CFAP126: variants seen among roughly 807,000 people sequenced by gnomAD.
CFAP126 encodes the protein protein Flattop.
In CFAP126, 21 loss-of-function variants were observed where a neutral mutation model predicts 17.1. The ratio of observed to expected loss-of-function variants is 1.23; its 90% CI spans 0.87 to 1.77. The LOEUF is 1.77. CFAP126 is among the 40% of genes most tolerant of loss of function. The pLI, the probability that CFAP126 is intolerant of heterozygous loss-of-function variation, is 0.00. For missense variants in CFAP126, 174 were observed against 215.4 expected (o/e 0.81, Z 1.20); for synonymous variants, 65 against 73.5 (o/e 0.88, Z 0.59).
rs537859182 is a variant in CFAP126, at chr1:161,367,637, A to G, written c.27+205T>C. 4 of 429,834 alleles carry G rather than the reference A, an allele frequency of 9.3e-6. No individual in the cohort carries two copies. The Admixed American group carries it at 1.7e-4, about 19-fold the overall frequency. The allele number at this position is 429,834 out of a possible 1,614,324, so 26.6% of individuals were successfully genotyped here. ...CCCTTTTACAGAAAAAAAATTGCCA[A>G]CTTCTGGTTTACACCCTACAAATTT... On this transcript the variant is annotated intron_variant, in intron 1 of 4. Transcript: ENST00000367974.
rs1361078992 is a variant in CFAP126 at position 161,367,828 on chromosome 1, G to A, written c.27+14C>T. The A allele has an allele frequency of 6.2e-7, 1 of 1,611,046 alleles. No homozygotes were observed. The highest frequency in any genetic ancestry group is 1.7e-5 in the Admixed American group (1 of 59,998). On this transcript the variant is annotated intron_variant, in intron 1 of 4. Transcript: ENST00000367974. ...CAAAAGTAAACGTTAAAGAAATGGA[G>A]AATGGGAACTTACCTGGTTGGCACT...
chr1:161,365,650 G>T lies in CFAP126; in HGVS notation c.224C>A (p.Pro75His). 1 of 1,613,102 alleles carries T rather than the reference G, an allele frequency of 6.2e-7. No individual in the cohort carries two copies. Among genetic ancestry groups the T allele is most frequent in the Non-Finnish European group, 8.5e-7 (1 of 1,179,546 alleles). The part of the protein sequence containing the change: ...MGTWQMPLKI[P>H]PARVTLTSRT... ...GGAGGTCAGGGTCACCCGAGCAGGG[G>T]GTATCTTCAGAGGCATTTGCCAGGT... is the stretch of plus-strand genomic sequence containing the variant. The change falls in exon 4 of 5, where the codon CCC (proline) becomes CAC (histidine). Residue 75 changes from proline (P) to histidine (H), a missense_variant. Coordinates refer to ENST00000367974, the MANE Select transcript of CFAP126 (RefSeq NM_001013625.4).
At chr1:161,366,781 C>CT (rs200434514) in intron 1 of CFAP126, 50,023 of 344,438 alleles carry the variant, frequency 0.15, 1,989 homozygotes, top group East Asian at 0.28. Context: ...TTTTTCTTTT[C>CT]TTTTTTTTTT....
intron 3 of CFAP126, 137 bp from the exon 4 acceptor site, chr1:161,365,839 CCTT>C: frequency 1.2e-6 from 1 of 845,340 alleles, no homozygotes; most frequent in Non-Finnish European, 1.8e-6. Context: ...TCCCACCCTT[CCTT>C]ATCCCCCTCC....
chr1:161,366,776 C>CT, intron 1 of CFAP126: 1 of 445,574 alleles, frequency 2.2e-6, no homozygotes, highest in Non-Finnish European at 3.9e-6. Flanking sequence ...AAGTTTTTTT[C>CT]TTTTCTTTTT....
At chr1:161,367,808 G>A in intron 1 of CFAP126, 34 bp downstream of exon 1, 2 of 1,595,442 alleles carry the variant, frequency 1.3e-6, no homozygotes, top group Non-Finnish European at 1.7e-6. Flanking sequence ...AAAAACAAAA[G>A]TAAACGTTAA....
In CFAP126 at chr1:161,364,778, C is replaced by T; in HGVS notation, c.*187G>A. The T allele has an allele frequency of 3.6e-6, 2 of 556,750 alleles. No individual in the cohort carries two copies. Among genetic ancestry groups the T allele is most frequent in the South Asian group, 3.5e-5 (1 of 28,906 alleles). 34.5% of individuals were successfully genotyped at this position (556,750 alleles called of 1,614,324 possible). ...TTTATTTTCCAAATTTGCTTTTACT[C>T]CCACCCCAAAATTTCCCTGTTTCAC... is the stretch of plus-strand genomic sequence containing the variant. On this transcript the variant is annotated 3_prime_UTR_variant, in exon 5 of 5. Coordinates refer to ENST00000367974, the MANE Select transcript of CFAP126 (RefSeq NM_001013625.4).
chr1:161,366,005 G>A, intron 3 of CFAP126, 193 bp downstream of exon 3: 1 of 624,082 alleles, frequency 1.6e-6, no homozygotes, highest in South Asian at 2.0e-5. Flanking sequence ...ATCAATTTAA[G>A]AACTTCTGAA....
intron 1 of CFAP126, 195 bp from the exon 2 acceptor site, chr1:161,366,696 C>T: frequency 8.4e-6 from 5 of 592,148 alleles, no homozygotes; most frequent in Non-Finnish European, 1.5e-5. Flanking sequence ...CCACATGGAG[C>T]TGTTGAGCAC....
At position 161,364,813 on chromosome 1, in the gene CFAP126, T is replaced by G; in HGVS notation, c.*152A>C. On this transcript the variant is annotated 3_prime_UTR_variant, in exon 5 of 5. Transcript: ENST00000367974. The stretch of plus-strand genomic sequence containing the variant: ...AATTTCCCTGTTTCACAGTTCTGAC[T>G]GGGGGCTCTTGTTTATTTCACTGAG... 3 of 755,764 alleles carry G rather than the reference T, an allele frequency of 4.0e-6. No homozygotes were observed. Among genetic ancestry groups the G allele is most frequent in the South Asian group, 2.1e-5 (1 of 46,610 alleles). 46.8% of individuals were successfully genotyped at this position (755,764 alleles called of 1,614,324 possible).
At position 161,364,840 on chromosome 1, in the gene CFAP126, C is replaced by T. The variant is rs1328965420; in HGVS notation, c.*125G>A. 5 of 897,244 alleles carry T rather than the reference C, an allele frequency of 5.6e-6. No homozygotes were observed. The African/African-American group carries it at 6.7e-5, about 12-fold the overall frequency. The allele number at this position is 897,244 out of a possible 1,614,324, so 55.6% of individuals were successfully genotyped here. ...GGGGCTCTTGTTTATTTCACTGAGT[C>T]GCTATACGGGTTTTTCAGTGTGTGG... On this transcript the variant is annotated 3_prime_UTR_variant, in exon 5 of 5. Transcript: ENST00000367974.
Position 161,365,556 on chromosome 1 carries a change from G to A in CFAP126, c.318C>T (p.Ser106=). ...IQKNPDLLKA[S]NGLCPEILGK... is the part of the protein sequence containing the mutation. ...CTAAGATTTCAGGACACAGCCCATT[G>A]GAGGCCTTGAGTAAATCAGGATTTT... Residue 106 remains serine, a synonymous_variant, in exon 4 of 5, where the codon TCC becomes TCT. Coordinates refer to ENST00000367974, the MANE Select transcript of CFAP126 (RefSeq NM_001013625.4). 3 of 1,614,214 alleles carry A rather than the reference G, an allele frequency of 1.9e-6. No homozygotes were observed. The highest frequency in any genetic ancestry group is 2.5e-6 in the Non-Finnish European group (3 of 1,180,028).
Position 161,365,497 on chromosome 1 carries a change from G to A in CFAP126, c.348+29C>T, listed in dbSNP as rs772969003. On this transcript the variant is annotated intron_variant, in intron 4 of 4. Coordinates refer to ENST00000367974, the MANE Select transcript of CFAP126 (RefSeq NM_001013625.4). ...GTTGAAAAGAAATTGAGACTACAGG[G>A]TTTTGGGTTAGATGGGAAGAATAGA... 18 of 1,610,438 alleles carry A rather than the reference G, an allele frequency of 1.1e-5. No homozygotes were observed. In the Admixed American group the frequency reaches 1.5e-4, roughly 13 times the overall value.
In CFAP126 at chr1:161,365,998, A is replaced by T. The variant is rs966388030; in HGVS notation, c.171+200T>A. ...CTTTCATTTATACAGATCATTGATC[A>T]ATTTAAGAACTTCTGAAGGGTGCTA... On this transcript the variant is annotated intron_variant, in intron 3 of 4. Coordinates refer to ENST00000367974, the MANE Select transcript of CFAP126 (RefSeq NM_001013625.4). 4 of 619,704 alleles carry T rather than the reference A, an allele frequency of 6.5e-6. No individual in the cohort carries two copies. In the African/African-American group the frequency reaches 7.4e-5, roughly 11 times the overall value. The allele number at this position is 619,704 out of a possible 1,614,324, so 38.4% of individuals were successfully genotyped here.
In CFAP126 at chr1:161,366,208, G is replaced by A; in HGVS notation, c.161C>T (p.Pro54Leu). The change falls in exon 3 of 5, where the codon CCC becomes CTC. Residue 54 changes from proline (P) to leucine (L), a missense_variant. By Grantham distance (98) the Pro-to-Leu change is moderately conservative. Coordinates refer to ENST00000367974, the MANE Select transcript of CFAP126 (RefSeq NM_001013625.4). ...NDRGHLLPSV[P>L]RSKANPWGSF... ...AAGATAGTATCTCACCTTGGAACGGGGCACAGAAGGCAGTAGATGACCACG... is the reference window on the plus strand; with the variant it reads ...AAGATAGTATCTCACCTTGGAACGGAGCACAGAAGGCAGTAGATGACCACG... 1 of 1,610,424 alleles carries A rather than the reference G, an allele frequency of 6.2e-7. No individual in the cohort carries two copies. Among genetic ancestry groups the A allele is most frequent in the Non-Finnish European group, 8.5e-7 (1 of 1,176,654 alleles).
At chr1:161,366,321 A>G in intron 2 of CFAP126, 43 bp from the exon 3 acceptor site, 1 of 1,581,012 alleles carries the variant, frequency 6.3e-7, no homozygotes, top group Non-Finnish European at 8.7e-7. Flanking sequence ...GAGGGGAAAA[A>G]GGGAAGTATT....
chr1:161,367,765 C>T, intron 1 of CFAP126, 77 bp downstream of exon 1: 1 of 1,318,576 alleles, frequency 7.6e-7, no homozygotes, highest in Middle Eastern at 1.8e-4. Flanking sequence ...GATCAGAATC[C>T]TATGAGAGGG....
intron 4 of CFAP126, 54 bp downstream of exon 4, chr1:161,365,472 G>A: frequency 6.3e-7 from 1 of 1,588,316 alleles, no homozygotes; most frequent in Non-Finnish European, 8.6e-7. Flanking sequence ...ATTTTTTGAG[G>A]TTGAAAAGAA....
chr1:161,367,474 AC>A (rs1672773538), intron 1 of CFAP126: 1 of 198,252 alleles, frequency 5.0e-6, no homozygotes, highest in East Asian at 1.2e-4. Flanking sequence ...CATTAGTAGT[AC>A]AAAAAATTGT....
Sources: gnomAD v4.1 joint callset for allele counts on GRCh38, gnomAD v4.1.1 for gene constraint, MANE v1.5 for transcripts, NCBI Gene and HGNC (gene_info 2026-07-23, HGNC 2026-07-21) for gene names.